The following BABAM2 variants were observed in gnomAD, a reference collection of about 807,000 sequenced individuals.
BABAM2 encodes the protein BRISC and BRCA1-A complex member 2.
In BABAM2, 31 loss-of-function variants were observed where a neutral mutation model predicts 54.7. The ratio of observed to expected loss-of-function variants is 0.57; its 90% CI spans 0.43 to 0.77. The LOEUF (loss-of-function observed/expected upper bound fraction) is 0.77, where lower values mean the gene tolerates loss of function less well. Among genes scored for constraint, BABAM2 ranks in the 30% least tolerant of loss-of-function variants. The probability of loss-of-function intolerance (pLI) is 0.00; values close to 1 mark genes in which losing one functional copy is unlikely to be tolerated. For missense variants in BABAM2, 364 were observed against 455.8 expected (o/e 0.80, Z 1.83); for synonymous variants, 167 against 162.9 (o/e 1.03, Z -0.19).
At chr2:28,298,131 T>C (rs191042243) in intron 10 of BABAM2, among the ~76,000 whole-genome samples, 1 of 152,058 alleles carries the variant, frequency 6.6e-6, no homozygotes, top group Non-Finnish European at 1.5e-5. Flanking sequence ...ACGTGTGATT[T>C]GCCTCTAGAT....
intron 6 of BABAM2, among the ~76,000 whole-genome samples, chr2:28,098,692 G>A (rs1666823661): frequency 6.6e-6 from 1 of 152,144 alleles, no homozygotes; most frequent in Non-Finnish European, 1.5e-5. Context: ...ATTCTCTTTG[G>A]GAGATGAAAT....
In BABAM2 at chr2:27,894,701, AT is replaced by A. The variant is rs745460191; in HGVS notation, c.128+19del. 4.3e-6 allele frequency: 7 copies of A among 1,613,940 alleles called. No individual in the cohort carries two copies. Among genetic ancestry groups the A allele is most frequent in the Non-Finnish European group, 5.9e-6 (7 of 1,179,888 alleles). On this transcript the variant is annotated intron_variant, in intron 2 of 11. Transcript: ENST00000379624. ...AAAATCTGGGTATGTACCAGAATGAATTCAGTCAATGTACCAGAACCAATTC... is the reference window on the plus strand; with the variant it reads ...AAAATCTGGGTATGTACCAGAATGAATCAGTCAATGTACCAGAACCAATTC...
intron 7 of BABAM2, among the ~76,000 whole-genome samples, chr2:28,216,978 A>G (rs11677458): frequency 0.012 from 1,834 of 152,120 alleles, 22 homozygotes; most frequent in Non-Finnish European, 0.02. Flanking sequence ...ACCTCTTTAC[A>G]TGTTTGGCTC....
At chr2:28,335,457 A>G (rs1691366364) in intron 11 of BABAM2, among the ~76,000 whole-genome samples, 1 of 152,204 alleles carries the variant, frequency 6.6e-6, no homozygotes, top group South Asian at 2.1e-4. Flanking sequence ...GGCATGAGCC[A>G]CTGCGCCCAG....
chr2:27,897,773 G>T (rs1175524969), intron 2 of BABAM2, among the ~76,000 whole-genome samples: 1 of 152,016 alleles, frequency 6.6e-6, no homozygotes, highest in African/African-American at 2.4e-5. Context: ...ACTGTATATA[G>T]GATTCATTCA....
chr2:28,239,955 T>C (rs534563000), intron 8 of BABAM2, among the ~76,000 whole-genome samples: 1 of 152,268 alleles, frequency 6.6e-6, no homozygotes, highest in South Asian at 2.1e-4. Flanking sequence ...CAGTATCATC[T>C]AGGAAGTTTT....
chr2:28,338,852 G>A lies in BABAM2; in HGVS notation c.*339G>A, dbSNP rs998052524. 7.0e-6 allele frequency: 2 copies of A among 284,804 alleles called. No homozygotes were observed. The highest frequency in any genetic ancestry group is 4.4e-5 in the African/African-American group (2 of 45,286). The allele number at this position is 284,804 out of a possible 1,614,324, so 17.6% of individuals were successfully genotyped here. Reference sequence around the variant, plus strand: ...TTTCTTCCAAAGCCTTTGTCTCTGAGACCTCTTAAGTTCTAAGATTAAATG... The same window carrying A: ...TTTCTTCCAAAGCCTTTGTCTCTGAAACCTCTTAAGTTCTAAGATTAAATG... On this transcript the variant is annotated 3_prime_UTR_variant, in exon 12 of 12. Transcript: ENST00000379624.
chr2:28,008,207 G>A (rs1458358454), intron 4 of BABAM2, among the ~76,000 whole-genome samples: 2 of 152,106 alleles, frequency 1.3e-5, no homozygotes, highest in Admixed American at 1.3e-4. Context: ...AAATAGGAGA[G>A]GTTTCTTTTC....
At chr2:28,121,051 T>C (rs1407970737) in intron 6 of BABAM2, among the ~76,000 whole-genome samples, 6 of 152,338 alleles carry the variant, frequency 3.9e-5, no homozygotes, top group African/African-American at 1.4e-4. Flanking sequence ...TACTAAATGC[T>C]GCCTTCATAA....
chr2:28,102,239 G>A (rs1212973735), intron 6 of BABAM2, among the ~76,000 whole-genome samples: 1 of 152,144 alleles, frequency 6.6e-6, no homozygotes, highest in Non-Finnish European at 1.5e-5. Context: ...CTGTGCTTGG[G>A]TAATACATGT....
At chr2:28,151,412 A>G (rs2147779842) in intron 7 of BABAM2, among the ~76,000 whole-genome samples, 1 of 152,134 alleles carries the variant, frequency 6.6e-6, no homozygotes, top group South Asian at 2.1e-4. Flanking sequence ...TCTACTAAAA[A>G]TACAAAAAAT....
intron 6 of BABAM2, among the ~76,000 whole-genome samples, chr2:28,074,690 C>G (rs1664492665): frequency 6.6e-6 from 1 of 151,866 alleles, no homozygotes; most frequent in Non-Finnish European, 1.5e-5. Flanking sequence ...CTTTACTGAC[C>G]TCCATGGCAT....
chr2:28,163,557 G>A (rs990499553), intron 7 of BABAM2, among the ~76,000 whole-genome samples: 1 of 152,172 alleles, frequency 6.6e-6, no homozygotes, highest in African/African-American at 2.4e-5. Context: ...GAATGCCAGA[G>A]TTAGACATGA....
chr2:28,211,316 G>C (rs4528718), intron 7 of BABAM2, among the ~76,000 whole-genome samples: 109,843 of 150,930 alleles, frequency 0.73, 41,767 homozygotes, highest in East Asian at 0.99. Context: ...ATAATGGACC[G>C]CAGATAGTCA....
At chr2:28,316,851 G>A (rs905383376) in intron 11 of BABAM2, among the ~76,000 whole-genome samples, 13 of 152,170 alleles carry the variant, frequency 8.5e-5, no homozygotes, top group African/African-American at 2.7e-4. Flanking sequence ...AGATAATCTC[G>A]CTGCTTCACT....
chr2:27,973,814 G>A (rs558925504), intron 3 of BABAM2, among the ~76,000 whole-genome samples: 326 of 152,084 alleles, frequency 2.1e-3, no homozygotes, highest in Non-Finnish European at 4.2e-3. Context: ...GCCTCTGGGT[G>A]GTGCGTACTT....
At chr2:28,160,822 G>A (rs1301399036) in intron 7 of BABAM2, among the ~76,000 whole-genome samples, 1 of 151,588 alleles carries the variant, frequency 6.6e-6, no homozygotes, top group East Asian at 1.9e-4. Flanking sequence ...CAGTCTGGTA[G>A]GTGTTAGAGA....
chr2:28,129,486 G>A (rs1669849613), intron 7 of BABAM2, 106 bp downstream of exon 7: 2 of 1,047,800 alleles, frequency 1.9e-6, no homozygotes, highest in African/African-American at 1.6e-5. Context: ...TCTCTTCATT[G>A]ACTTTTGTTT....
chr2:28,120,816 A>G (rs780758943), intron 6 of BABAM2, among the ~76,000 whole-genome samples: 16 of 152,224 alleles, frequency 1.1e-4, no homozygotes, highest in Admixed American at 5.9e-4. Context: ...ATTGTAATTG[A>G]AAGGAATCTT....
Sources: gnomAD v4.1 joint callset for allele counts (sites outside exome capture counted in the v4.1 genomes callset) on GRCh38, gnomAD v4.1.1 for gene constraint, MANE v1.5 for transcripts, NCBI Gene and HGNC (gene_info 2026-07-23, HGNC 2026-07-21) for gene names.